ATRX: variants seen among roughly 807,000 people sequenced by gnomAD.
ATRX encodes chromatin remodeler ATRX.
ATRX carries 12 observed loss-of-function variants against 172.6 expected under a neutral mutation model. The observed-to-expected ratio is 0.07, with a 90% CI of 0.04 to 0.11. The LOEUF (loss-of-function observed/expected upper bound fraction) is 0.11, where lower values mean the gene tolerates loss of function less well. ATRX is among the 10% of genes least tolerant of loss of function. The pLI, the probability that ATRX is intolerant of heterozygous loss-of-function variation, is 1.00. For missense variants in ATRX, 1,368 were observed against 1,767.4 expected (o/e 0.77, Z 4.05); for synonymous variants, 674 against 594.7 (o/e 1.13, Z -1.94).
rs587778088 is a variant in ATRX at position 77,682,495 on chromosome X, C to T, written c.2761G>A (p.Val921Ile). ...TCCTCTTTCCCAGAAAGCTTATCGA[C>T]ACCATCAGTGGAAGCACTTGCTTGC... Reference protein sequence around the residue: ...KQQASASTDGVDKLSGKEESF... With the variant: ...KQQASASTDGIDKLSGKEESF... The change falls in exon 9 of 35, where the codon GTC (valine) becomes ATC (isoleucine). Residue 921 changes from valine (V) to isoleucine (I), a missense_variant. Physicochemically the swap from Val to Ile is conservative, Grantham distance 29 (BLOSUM62 3). Around this residue, in one of 17 missense-constraint regions of ATRX, gnomAD observed 843 missense variants for 643.1 expected, o/e 1.31. Transcript: ENST00000373344. 1.7e-6 allele frequency: 2 copies of T among 1,211,708 alleles called. No individual in the cohort carries two copies. Among genetic ancestry groups the T allele is most frequent in the Non-Finnish European group, 1.1e-6 (1 of 895,423 alleles).
rs782560371 is a variant in ATRX at position 77,522,679 on chromosome X, A to G, written c.6850-291T>C. 7.2e-5 allele frequency among the ~76,000 whole-genome samples: 8 copies of G among 111,814 alleles called. No homozygotes were observed. The South Asian group carries it at 2.6e-3, about 36-fold the overall frequency. ...ACTAATGTTAAAGAAGTTTGGTACA[A>G]TAAGTTAGGAGTTTGAAAAGGATTC... On this transcript the variant is annotated intron_variant, in intron 31 of 34. Coordinates refer to ENST00000373344, the MANE Select transcript of ATRX (RefSeq NM_000489.6).
intron 12 of ATRX, among the ~76,000 whole-genome samples, chrX:77,657,505 C>T (rs185680566): frequency 3.9e-4 from 43 of 111,599 alleles, no homozygotes; most frequent in Non-Finnish European, 6.8e-4. Context: ...CAAGATTCAA[C>T]TTGAAGGAGC....
chrX:77,761,438 G>A (rs1305717703), intron 1 of ATRX, among the ~76,000 whole-genome samples: 1 of 110,898 alleles, frequency 9.0e-6, no homozygotes, highest in Non-Finnish European at 1.9e-5. Context: ...TTGGGGGGCT[G>A]AGGTGGGATG....
Position 77,732,913 on chromosome X carries a change from C to T in ATRX, c.21-15670G>A, listed in dbSNP as rs1241581515. Reference sequence around the variant, plus strand: ...TACTCAACATGGTACTACTGGAAGTCCTAGCTACAGCAACCAGACAAGAGA... The same window carrying T: ...TACTCAACATGGTACTACTGGAAGTTCTAGCTACAGCAACCAGACAAGAGA... On this transcript the variant is annotated intron_variant, in intron 1 of 34. Transcript: ENST00000373344. Among the ~76,000 whole-genome samples the T allele has an allele frequency of 4.5e-5, 5 of 111,259 alleles. No homozygotes were observed. The Admixed American group carries it at 4.8e-4, about 11-fold the overall frequency.
chrX:77,608,803 C>A (rs1294598427), intron 22 of ATRX, among the ~76,000 whole-genome samples: 3 of 111,374 alleles, frequency 2.7e-5, no homozygotes, highest in Admixed American at 9.6e-5. Flanking sequence ...GAAGAGACAA[C>A]CCACAGGATG....
chrX:77,628,474 T>A (rs1019559919), intron 19 of ATRX, among the ~76,000 whole-genome samples: 1 of 112,563 alleles, frequency 8.9e-6, no homozygotes, highest in African/African-American at 3.2e-5. Context: ...CAGTGTTACA[T>A]TGCCACCTAT....
At chrX:77,681,497 A>G in intron 9 of ATRX, 23 bp downstream of exon 9, 1 of 1,196,233 alleles carries the variant, frequency 8.4e-7, no homozygotes. Context: ...CAAATTATGA[A>G]TTTTTTATTT....
At chrX:77,590,079 T>C (rs2066179786) in intron 26 of ATRX, 139 bp from the exon 27 acceptor site, 1 of 546,529 alleles carries the variant, frequency 1.8e-6, no homozygotes, top group Non-Finnish European at 3.0e-6. Context: ...AAGGTGATTG[T>C]AAAATGTATA....
At chrX:77,691,730 C>T (rs1483840984) in intron 6 of ATRX, among the ~76,000 whole-genome samples, 1 of 111,381 alleles carries the variant, frequency 9.0e-6, no homozygotes, top group Non-Finnish European at 1.9e-5. Context: ...CTAAGTTAGG[C>T]TTCAATTTGG....
At chrX:77,781,235 G>A (rs781976946) in intron 1 of ATRX, among the ~76,000 whole-genome samples, 25 of 110,497 alleles carry the variant, frequency 2.3e-4, no homozygotes, top group African/African-American at 7.9e-4. Flanking sequence ...GAGGTCAGGA[G>A]ATCGAGACCA....
chrX:77,635,271 C>T (rs1311814482), intron 16 of ATRX, among the ~76,000 whole-genome samples: 4 of 110,831 alleles, frequency 3.6e-5, no homozygotes, highest in East Asian at 5.7e-4. Context: ...AGTGACAGAG[C>T]GAGACTCCAT....
intron 2 of ATRX, among the ~76,000 whole-genome samples, chrX:77,716,700 G>A (rs1361802011): frequency 9.0e-6 from 1 of 110,974 alleles, no homozygotes; most frequent in Non-Finnish European, 1.9e-5. Context: ...CCAAGATCAT[G>A]CCATTGAACT....
intron 19 of ATRX, among the ~76,000 whole-genome samples, chrX:77,630,953 T>G (rs1193079122): frequency 2.7e-5 from 3 of 111,259 alleles, no homozygotes; most frequent in Non-Finnish European, 5.7e-5. Flanking sequence ...ACTCACAGAA[T>G]GGAAGGATAT....
intron 1 of ATRX, among the ~76,000 whole-genome samples, chrX:77,752,899 GGT>G (rs1557188289): frequency 9.0e-6 from 1 of 111,720 alleles, no homozygotes; most frequent in Non-Finnish European, 1.9e-5. Flanking sequence ...TCACATCGAT[GGT>G]CATCAGGGAT....
intron 34 of ATRX, among the ~76,000 whole-genome samples, chrX:77,517,752 T>C (rs781817474): frequency 8.9e-6 from 1 of 111,772 alleles, no homozygotes; most frequent in Admixed American, 9.5e-5. Flanking sequence ...GAGATGAACA[T>C]TCATGCAAAA....
At chrX:77,538,895 A>ATTTT (rs567391617) in intron 30 of ATRX, among the ~76,000 whole-genome samples, 1 of 89,384 alleles carries the variant, frequency 1.1e-5, no homozygotes, top group Non-Finnish European at 2.3e-5. Context: ...ACTTTGCTCC[A>ATTTT]TTTTTTTTTT....
intron 28 of ATRX, among the ~76,000 whole-genome samples, chrX:77,559,449 C>CTTTTTTTT (rs782028709): frequency 4.8e-5 from 2 of 41,684 alleles, no homozygotes; most frequent in Non-Finnish European, 7.3e-5. Context: ...CTTTCTTTCC[C>CTTTTTTTT]TTTTTTTTTT....
At chrX:77,746,101 C>A (rs957120871) in intron 1 of ATRX, among the ~76,000 whole-genome samples, 7 of 110,699 alleles carry the variant, frequency 6.3e-5, no homozygotes, top group Non-Finnish European at 1.3e-4. Flanking sequence ...AAAATGTGTA[C>A]ACATGGACGT....
intron 34 of ATRX, 130 bp downstream of exon 34, chrX:77,520,658 T>C: frequency 2.7e-6 from 2 of 737,358 alleles, no homozygotes; most frequent in East Asian, 7.1e-5. Flanking sequence ...TTACATTTCT[T>C]CCAGAATTAT....
Sources: allele counts gnomAD v4.1 joint callset (sites outside exome capture counted in the v4.1 genomes callset), GRCh38; gene constraint gnomAD v4.1.1; regional missense constraint gnomAD v4.1.1; transcripts MANE v1.5; gene names NCBI Gene and HGNC (gene_info 2026-07-23, HGNC 2026-07-21).